The following SMAP1 variants were observed in gnomAD, a reference collection of about 807,000 sequenced individuals.
SMAP1 encodes the protein stromal membrane-associated protein 1.
A neutral mutation model predicts 58.5 loss-of-function variants in SMAP1; 24 were observed. That is an observed-to-expected ratio of 0.41 (90% CI 0.30 to 0.58). The LOEUF (loss-of-function observed/expected upper bound fraction) is 0.58, where lower values mean the gene tolerates loss of function less well. Among genes scored for constraint, SMAP1 ranks in the 20% least tolerant of loss-of-function variants. The probability of loss-of-function intolerance (pLI) is 0.29; values close to 1 mark genes in which losing one functional copy is unlikely to be tolerated. For missense variants in SMAP1, 563 were observed against 566.3 expected, an observed-to-expected ratio of 0.99 and a Z score of 0.06; for synonymous variants, 216 against 196.6, an observed-to-expected ratio of 1.10 and a Z score of -0.82.
chr6:70,726,077 C>G (rs1450042894), intron 1 of SMAP1, among the ~76,000 whole-genome samples: 2 of 152,090 alleles, frequency 1.3e-5, no homozygotes, highest in Non-Finnish European at 1.5e-5. Flanking sequence ...AGCTGGCTCT[C>G]CATTTTTTCT....
rs1767489830 is a variant in SMAP1, at chr6:70,698,214, A to G, written c.118+30073A>G. On this transcript the variant is annotated intron_variant, in intron 1 of 10. Transcript: ENST00000370455. ...AAAGTTTTTTCCTTCAGCACTTAAA[A>G]TATGTCATATCACTTTCTCCTGGCC... Among the ~76,000 whole-genome samples, 5 of 152,172 alleles carry G rather than the reference A, an allele frequency of 3.3e-5. No homozygotes were observed. In the South Asian group the frequency reaches 1.0e-3, roughly 32 times the overall value.
chr6:70,681,817 T>G (rs749957487), intron 1 of SMAP1, among the ~76,000 whole-genome samples: 1 of 152,210 alleles, frequency 6.6e-6, no homozygotes, highest in Non-Finnish European at 1.5e-5. Flanking sequence ...GTGGAATCTT[T>G]AGAACATCAG....
At chr6:70,816,220 T>C (rs947641079) in intron 6 of SMAP1, among the ~76,000 whole-genome samples, 1 of 152,170 alleles carries the variant, frequency 6.6e-6, no homozygotes, top group Non-Finnish European at 1.5e-5. Context: ...AGGCATATTT[T>C]GGCAATTATC....
intron 1 of SMAP1, among the ~76,000 whole-genome samples, chr6:70,691,125 A>G (rs778019201): frequency 3.3e-5 from 5 of 152,100 alleles, no homozygotes; most frequent in Non-Finnish European, 7.4e-5. Context: ...CCTTTATTGT[A>G]TCTGTAGAAT....
In SMAP1 at chr6:70,801,388, A is replaced by G. The variant is rs181494423; in HGVS notation, c.576+2651A>G. ...GTTTTTTTTTCTTGTAAGTTTGTTT[A>G]AGTTCTTTGTAGATTCTGGATATTA... On this transcript the variant is annotated intron_variant, in intron 6 of 10. Transcript: ENST00000370455. Among the ~76,000 whole-genome samples the G allele has an allele frequency of 5.0e-4, 76 of 151,762 alleles. No homozygotes were observed. The East Asian group carries it at 0.014, about 28-fold the overall frequency.
chr6:70,810,698 C>T (rs1769348207), intron 6 of SMAP1, among the ~76,000 whole-genome samples: 1 of 152,110 alleles, frequency 6.6e-6, no homozygotes, highest in South Asian at 2.1e-4. Context: ...TCTCAGTCTT[C>T]CAAGTAGCTA....
intron 1 of SMAP1, among the ~76,000 whole-genome samples, chr6:70,697,576 G>C (rs1306558379): frequency 6.6e-6 from 1 of 152,166 alleles, no homozygotes. Context: ...CAAGTGCTGG[G>C]ATTACAGGCG....
intron 4 of SMAP1, among the ~76,000 whole-genome samples, chr6:70,778,472 G>A (rs1042366895): frequency 6.6e-6 from 1 of 152,208 alleles, no homozygotes; most frequent in African/African-American, 2.4e-5. Context: ...AGATGATAAA[G>A]TTTTTGTCTT....
At chr6:70,762,399 C>T (rs1766788451) in intron 3 of SMAP1, among the ~76,000 whole-genome samples, 1 of 152,020 alleles carries the variant, frequency 6.6e-6, no homozygotes, top group African/African-American at 2.4e-5. Context: ...ACTTTCTGGG[C>T]CTTTAAGGAA....
At chr6:70,742,090 T>C (rs902045471) in intron 2 of SMAP1, among the ~76,000 whole-genome samples, 20 of 152,190 alleles carry the variant, frequency 1.3e-4, no homozygotes, top group Non-Finnish European at 2.8e-4. Context: ...GCCAGGAAGG[T>C]CTCTGACATG....
chr6:70,837,723 C>A, intron 7 of SMAP1: 2 of 943,362 alleles, frequency 2.1e-6, no homozygotes, highest in Non-Finnish European at 2.6e-6. Context: ...TGAAAGGTTA[C>A]TTTTAGTAAT....
intron 1 of SMAP1, among the ~76,000 whole-genome samples, chr6:70,729,577 A>G (rs1167073054): frequency 6.6e-6 from 1 of 150,970 alleles, no homozygotes; most frequent in Non-Finnish European, 1.5e-5. Context: ...TATCACTATC[A>G]TTTAAAGCAT....
intron 1 of SMAP1, among the ~76,000 whole-genome samples, chr6:70,709,296 A>G (rs1201059143): frequency 6.6e-6 from 1 of 152,054 alleles, no homozygotes; most frequent in East Asian, 1.9e-4. Flanking sequence ...TGCCCATACC[A>G]TAAACAATAT....
intron 1 of SMAP1, among the ~76,000 whole-genome samples, chr6:70,692,924 CA>C (rs1318212403): frequency 6.6e-6 from 1 of 152,166 alleles, no homozygotes. Context: ...GCTGGGACTA[CA>C]GGTGCCCACT....
chr6:70,828,830 C>T (rs1224016851), intron 6 of SMAP1, among the ~76,000 whole-genome samples: 1 of 152,196 alleles, frequency 6.6e-6, no homozygotes, highest in Non-Finnish European at 1.5e-5. Context: ...GTGGTGATTG[C>T]TCCACTGTAC....
At chr6:70,755,305 C>T (rs1273747274) in intron 3 of SMAP1, among the ~76,000 whole-genome samples, 1 of 152,000 alleles carries the variant, frequency 6.6e-6, no homozygotes, top group Non-Finnish European at 1.5e-5. Flanking sequence ...GATGTGATTA[C>T]AGACCCCTGA....
In SMAP1 at chr6:70,759,717, G is replaced by A. The variant is rs572085154; in HGVS notation, c.338+4652G>A. On this transcript the variant is annotated intron_variant, in intron 3 of 10. Transcript: ENST00000370455. ...TTGCATTATTAGTTCTGTTATCTTG[G>A]CTGATATATTTTAAAATATTTGGTC... 1.5e-5 allele frequency: 4 copies of A among 261,556 alleles called. No individual in the cohort carries two copies. In the South Asian group the frequency reaches 1.6e-4, roughly 10 times the overall value. 16.2% of individuals were successfully genotyped at this position (261,556 alleles called of 1,614,324 possible). A position where few individuals can be genotyped will look rare whatever the true frequency, so the allele number is the denominator to read the frequency against.
At chr6:70,768,265 A>G (rs186139185) in intron 3 of SMAP1, among the ~76,000 whole-genome samples, 2 of 152,334 alleles carry the variant, frequency 1.3e-5, no homozygotes, top group East Asian at 1.9e-4. Context: ...CTGACCTCAT[A>G]AAATGAGTTA....
At chr6:70,766,117 C>T (rs9346400) in intron 3 of SMAP1, among the ~76,000 whole-genome samples, 4,983 of 152,134 alleles carry the variant, frequency 0.033, 259 homozygotes, top group African/African-American at 0.1. Flanking sequence ...GGTGTATATG[C>T]GCCACATTTT....
Sources: allele counts gnomAD v4.1 joint callset (sites outside exome capture counted in the v4.1 genomes callset), GRCh38; gene constraint gnomAD v4.1.1; transcripts MANE v1.5; gene names NCBI Gene and HGNC (gene_info 2026-07-23, HGNC 2026-07-21).